The following GNAI1 variants were observed in gnomAD, a reference collection of about 807,000 sequenced individuals.
GNAI1 encodes guanine nucleotide-binding protein G(i) subunit alpha-1.
GNAI1 carries 11 observed loss-of-function variants against 38.9 expected under a neutral mutation model. The observed-to-expected ratio is 0.28, with a 90% CI of 0.18 to 0.47. The LOEUF (loss-of-function observed/expected upper bound fraction) is 0.47, where lower values mean the gene tolerates loss of function less well. Ranked by LOEUF, GNAI1 falls within the 20% of genes least tolerant of loss-of-function variation. GNAI1 has a pLI of 0.99. For missense variants in GNAI1, 317 were observed against 436.9 expected (o/e 0.73, Z 2.45); for synonymous variants, 166 against 145.1 (o/e 1.14, Z -1.04).
At chr7:80,159,172 C>A (rs1020660915) in intron 1 of GNAI1, among the ~76,000 whole-genome samples, 2 of 152,162 alleles carry the variant, frequency 1.3e-5, no homozygotes, top group Non-Finnish European at 2.9e-5. Flanking sequence ...CTTGTGCTCT[C>A]ACAGTCCCAC....
chr7:80,191,597 G>C (rs1444187543), intron 3 of GNAI1, among the ~76,000 whole-genome samples: 1 of 152,040 alleles, frequency 6.6e-6, no homozygotes, highest in Non-Finnish European at 1.5e-5. Context: ...TCACTGTGTT[G>C]GCTAGACTGG....
chr7:80,135,395 G>A (rs1787391757), intron 1 of GNAI1, 117 bp downstream of exon 1: 1 of 549,426 alleles, frequency 1.8e-6, no homozygotes, highest in South Asian at 4.3e-5. Flanking sequence ...GGAGGCTTCT[G>A]AGCGGGAGCT....
intron 1 of GNAI1, among the ~76,000 whole-genome samples, chr7:80,136,949 A>G (rs948297584): frequency 1.3e-5 from 2 of 152,138 alleles, no homozygotes; most frequent in African/African-American, 4.8e-5. Context: ...TGATCTTAGC[A>G]CGGTTGGCAT....
At position 80,135,169 on chromosome 7, in the gene GNAI1, C is replaced by T; in HGVS notation, c.9C>T (p.Cys3=). 3 of 1,533,908 alleles carry T rather than the reference C, an allele frequency of 2.0e-6. No individual in the cohort carries two copies. The highest frequency in any genetic ancestry group is 1.4e-5 in the African/African-American group (1 of 70,158). Reference sequence around the variant, plus strand: ...CTCTCGCTTTCGGCACCATGGGCTGCACGCTGAGCGCCGAGGACAAGGCGG... The same window carrying T: ...CTCTCGCTTTCGGCACCATGGGCTGTACGCTGAGCGCCGAGGACAAGGCGG... MG[C]TLSAEDKAAV... Residue 3 remains cysteine (C), a synonymous_variant, in exon 1 of 8, where the codon TGC becomes TGT. Transcript: ENST00000649796.
chr7:80,148,983 G>GA (rs550697130), intron 1 of GNAI1, among the ~76,000 whole-genome samples: 42 of 152,038 alleles, frequency 2.8e-4, no homozygotes, highest in Non-Finnish European at 4.7e-4. Context: ...TATCAGTGTA[G>GA]AAAAAAATAT....
intron 1 of GNAI1, chr7:80,135,854 TAC>T: frequency 1.0e-6 from 1 of 985,308 alleles, no homozygotes; most frequent in Non-Finnish European, 1.2e-6. Flanking sequence ...GAGCGCTGAT[TAC>T]ATTCCCCCTG....
At chr7:80,208,660 A>T (rs373092068) in intron 5 of GNAI1, among the ~76,000 whole-genome samples, 48 of 152,280 alleles carry the variant, frequency 3.2e-4, no homozygotes, top group African/African-American at 1.2e-3. Context: ...CTGTCATCAC[A>T]TGTCCTCCTT....
chr7:80,191,566 A>G (rs552713798), intron 3 of GNAI1, among the ~76,000 whole-genome samples: 1 of 151,998 alleles, frequency 6.6e-6, no homozygotes, highest in African/African-American at 2.4e-5. Context: ...TAATTTTTGT[A>G]TTTTTAGTAA....
intron 1 of GNAI1, among the ~76,000 whole-genome samples, chr7:80,156,259 A>G (rs577437788): frequency 4.5e-4 from 68 of 152,252 alleles, no homozygotes; most frequent in Non-Finnish European, 8.2e-4. Flanking sequence ...ATCATGTACC[A>G]TTTATCCTGT....
intron 1 of GNAI1, among the ~76,000 whole-genome samples, chr7:80,145,098 C>T (rs182606297): frequency 7.9e-5 from 12 of 152,270 alleles, no homozygotes; most frequent in African/African-American, 2.9e-4. Context: ...TTTAAAGACT[C>T]CTGTGTCCTG....
intron 6 of GNAI1, 109 bp from the exon 7 acceptor site, chr7:80,212,607 A>G: frequency 3.3e-6 from 2 of 607,688 alleles, no homozygotes. Context: ...TGTGATACGT[A>G]TTTTTCAATC....
chr7:80,165,582 G>A (rs1324161982), intron 1 of GNAI1, among the ~76,000 whole-genome samples: 1 of 152,102 alleles, frequency 6.6e-6, no homozygotes, highest in Non-Finnish European at 1.5e-5. Flanking sequence ...TTTATTTTCA[G>A]TTTACCTTCA....
chr7:80,171,076 A>C (rs1292186253), intron 1 of GNAI1, among the ~76,000 whole-genome samples: 3 of 152,214 alleles, frequency 2.0e-5, no homozygotes, highest in African/African-American at 7.2e-5. Context: ...ATTCAACTAG[A>C]AACTAAAGTA....
Position 80,212,752 on chromosome 7 carries a change from A to G in GNAI1, c.757A>G (p.Ile253Val). The change falls in exon 7 of 8, where the codon ATA (isoleucine) becomes GTA (valine). Residue 253 changes from isoleucine (I) to valine (V), a missense_variant. Transcript: ENST00000649796. ...TGAAAGCATGAAATTGTTTGACAGC[A>G]TATGTAACAACAAGTGGTTTACAGA... The part of the protein sequence containing the change: ...MHESMKLFDS[I>V]CNNKWFTDTS... 1 of 1,562,026 alleles carries G rather than the reference A, an allele frequency of 6.4e-7. No homozygotes were observed. Among genetic ancestry groups the G allele is most frequent in the Non-Finnish European group, 8.6e-7 (1 of 1,160,248 alleles).
intron 6 of GNAI1, among the ~76,000 whole-genome samples, chr7:80,212,134 A>G (rs1050876425): frequency 5.2e-4 from 79 of 152,216 alleles, no homozygotes; most frequent in African/African-American, 1.8e-3. Flanking sequence ...AGTATATGAA[A>G]TTATAGTGTA....
At chr7:80,155,347 T>C (rs1299999109) in intron 1 of GNAI1, among the ~76,000 whole-genome samples, 1 of 152,230 alleles carries the variant, frequency 6.6e-6, no homozygotes, top group Admixed American at 6.5e-5. Flanking sequence ...CATTATCAAC[T>C]TCAGTAATAT....
intron 7 of GNAI1, among the ~76,000 whole-genome samples, chr7:80,213,353 A>G (rs760447105): frequency 6.6e-6 from 1 of 152,178 alleles, no homozygotes; most frequent in African/African-American, 2.4e-5. Flanking sequence ...GTTTCACAAG[A>G]AGCCAAAACT....
rs543649835 is a variant in GNAI1 at position 80,218,954 on chromosome 7, A to G, written c.*1461A>G. 6.6e-6 allele frequency: 1 copy of G among 152,236 alleles called. No individual in the cohort carries two copies. Among genetic ancestry groups the G allele is most frequent in the African/African-American group, 2.4e-5 (1 of 41,452 alleles). The allele number at this position is 152,236 out of a possible 1,614,324, so 9.4% of individuals were successfully genotyped here. A position where few individuals can be genotyped will look rare whatever the true frequency, so the allele number is the denominator to read the frequency against. ...CCTCCTTTTTTTACTCATCTTGGAA[A>G]AGGTTAGTCTTTCAGTACACGTTGC... On this transcript the variant is annotated 3_prime_UTR_variant, in exon 8 of 8. Coordinates refer to ENST00000649796, the MANE Select transcript of GNAI1 (RefSeq NM_002069.6).
In GNAI1 at chr7:80,223,730, C is replaced by A. The variant is rs978625560; in HGVS notation, c.*6237C>A. On this transcript the variant is annotated 3_prime_UTR_variant, in exon 8 of 8. Transcript: ENST00000649796. ...TTACAAATATAAGTAATTACCTTTC[C>A]GTTTTAAGTGACCAATTGTCCTAGC... Among the ~76,000 whole-genome samples, 1 of 152,088 alleles carries A rather than the reference C, an allele frequency of 6.6e-6. No homozygotes were observed. Among genetic ancestry groups the A allele is most frequent in the African/African-American group, 2.4e-5 (1 of 41,414 alleles).
Sources: gnomAD v4.1 joint callset for allele counts (sites outside exome capture counted in the v4.1 genomes callset) on GRCh38, gnomAD v4.1.1 for gene constraint, MANE v1.5 for transcripts, NCBI Gene and HGNC (gene_info 2026-07-23, HGNC 2026-07-21) for gene names.